The following PKIA variants were observed in gnomAD, a reference collection of about 807,000 sequenced individuals.
The protein encoded by PKIA is cAMP-dependent protein kinase inhibitor alpha.
A neutral mutation model predicts 7.6 loss-of-function variants in PKIA; 4 were observed. That is an observed-to-expected ratio of 0.52 (90% confidence interval 0.26 to 1.20). The LOEUF (loss-of-function observed/expected upper bound fraction) is 1.20. PKIA is among the 50% of genes most tolerant of loss of function. The pLI is 0.13. For synonymous variants in PKIA, 21 were observed against 30.7 expected (o/e 0.68, Z 1.04); for missense variants, 73 against 86.2 (o/e 0.85, Z 0.61).
chr8:78,601,865 C>A lies in PKIA; in HGVS notation c.*44C>A. The A allele has an allele frequency of 7.1e-7, 1 of 1,409,504 alleles. No homozygotes were observed. The highest frequency in any genetic ancestry group is 2.3e-5 in the East Asian group (1 of 43,826). 87.3% of individuals were successfully genotyped at this position (1,409,504 alleles called of 1,614,324 possible). On this transcript the variant is annotated 3_prime_UTR_variant, in exon 4 of 4. Transcript: ENST00000396418. ...GACCACACCTGAAAATGTCTCAAAT[C>A]TCCAGGAGTATCTGGAATGCATTTG...
intron 1 of PKIA, among the ~76,000 whole-genome samples, chr8:78,565,575 C>T (rs891793734): frequency 2.6e-5 from 4 of 151,862 alleles, no homozygotes; most frequent in African/African-American, 9.7e-5. Context: ...TTAGAAGCTC[C>T]TAAATTATTT....
chr8:78,532,028 G>GT, intron 1 of PKIA, among the ~76,000 whole-genome samples: 1 of 152,108 alleles, frequency 6.6e-6, no homozygotes, highest in Non-Finnish European at 1.5e-5. Context: ...TAAAATTCAA[G>GT]TAACTTTTTA....
At chr8:78,567,459 T>C (rs35269639) in intron 1 of PKIA, among the ~76,000 whole-genome samples, 21,059 of 152,150 alleles carry the variant, frequency 0.14, 1,814 homozygotes, top group African/African-American at 0.23. Flanking sequence ...ACTGCTAAAA[T>C]GTGTCTTATG....
chr8:78,584,662 A>AGAC (rs1270192971), intron 2 of PKIA, among the ~76,000 whole-genome samples: 1 of 152,132 alleles, frequency 6.6e-6, no homozygotes, highest in Non-Finnish European at 1.5e-5. Context: ...TAAATATGAA[A>AGAC]GACATTCTAT....
intron 2 of PKIA, among the ~76,000 whole-genome samples, chr8:78,577,176 T>C (rs1271814708): frequency 6.6e-6 from 1 of 152,034 alleles, no homozygotes; most frequent in Non-Finnish European, 1.5e-5. Context: ...TATATATGTA[T>C]ACATGTGCCA....
At position 78,604,456 on chromosome 8, in the gene PKIA, T is replaced by C. The variant is rs779442696; in HGVS notation, c.*2635T>C. On this transcript the variant is annotated 3_prime_UTR_variant, in exon 4 of 4. Coordinates refer to ENST00000396418, the MANE Select transcript of PKIA (RefSeq NM_006823.4). The stretch of plus-strand genomic sequence containing the variant: ...CAACTGCAGAGCTGTAAGGGAACTT[T>C]TAGAGATGAACTTCTTCAGCCTCCA... 1 of 151,982 alleles carries C rather than the reference T, an allele frequency of 6.6e-6. No individual in the cohort carries two copies. The highest frequency in any genetic ancestry group is 1.5e-5 in the Non-Finnish European group (1 of 67,936). The allele number at this position is 151,982 out of a possible 1,614,324, so 9.4% of individuals were successfully genotyped here. A position where few individuals can be genotyped will look rare whatever the true frequency, so the allele number is the denominator to read the frequency against.
chr8:78,583,812 C>G (rs117274667), intron 2 of PKIA, among the ~76,000 whole-genome samples: 1 of 151,942 alleles, frequency 6.6e-6, no homozygotes, highest in Non-Finnish European at 1.5e-5. Flanking sequence ...ATTATCGGAA[C>G]GGTAAGTTTG....
intron 1 of PKIA, among the ~76,000 whole-genome samples, chr8:78,562,003 G>A (rs530984854): frequency 6.6e-6 from 1 of 152,092 alleles, no homozygotes; most frequent in African/African-American, 2.4e-5. Flanking sequence ...CAACAGCAGA[G>A]TAATCACCCT....
rs372274335 is a variant in PKIA, at chr8:78,562,011, C to T, written c.-156-10800C>T. ...AATGCACCAACAGCAGAGTAATCAC[C>T]CTTAACCATCACTTCTCCCACTGAA... On this transcript the variant is annotated intron_variant, in intron 1 of 3. Transcript: ENST00000396418. 8.7e-4 allele frequency among the ~76,000 whole-genome samples: 132 copies of T among 152,162 alleles called. 2 individuals are homozygous for T. The highest frequency in any genetic ancestry group is 6.8e-3 in the Middle Eastern group (2 of 294).
At chr8:78,586,988 T>A (rs1288518626) in intron 2 of PKIA, among the ~76,000 whole-genome samples, 2 of 152,200 alleles carry the variant, frequency 1.3e-5, no homozygotes, top group Non-Finnish European at 2.9e-5. Flanking sequence ...TTATTATTCA[T>A]AAGGCACTAT....
chr8:78,570,416 A>G lies in PKIA; in HGVS notation c.-156-2395A>G, dbSNP rs149894113. Among the ~76,000 whole-genome samples the G allele has an allele frequency of 4.2e-3, 641 of 152,286 alleles. 2 individuals are homozygous for G. Among genetic ancestry groups the G allele is most frequent in the African/African-American group, 0.015 (618 of 41,576 alleles). ...CGAGTACTGAAAGCAAACAACTGCCATGCACGAACTTCATATCCAGTTTCT... is the reference window on the plus strand; with the variant it reads ...CGAGTACTGAAAGCAAACAACTGCCGTGCACGAACTTCATATCCAGTTTCT... On this transcript the variant is annotated intron_variant, in intron 1 of 3. Transcript: ENST00000396418.
intron 2 of PKIA, among the ~76,000 whole-genome samples, chr8:78,579,228 T>C (rs1254662596): frequency 6.6e-6 from 1 of 152,028 alleles, no homozygotes; most frequent in Non-Finnish European, 1.5e-5. Flanking sequence ...ATCTTCCTCC[T>C]TCCCCTCTTG....
At chr8:78,588,780 T>C (rs1231953352) in intron 2 of PKIA, among the ~76,000 whole-genome samples, 1 of 151,956 alleles carries the variant, frequency 6.6e-6, no homozygotes, top group African/African-American at 2.4e-5. Flanking sequence ...GGAAAATTAG[T>C]ATCTACCTCT....
intron 2 of PKIA, among the ~76,000 whole-genome samples, chr8:78,595,323 T>A (rs965019113): frequency 2.0e-5 from 3 of 152,100 alleles, no homozygotes; most frequent in African/African-American, 7.2e-5. Flanking sequence ...AAAGAATTGG[T>A]TCATTGAGTA....
chr8:78,518,342 A>G (rs1465028090), intron 1 of PKIA, among the ~76,000 whole-genome samples: 1 of 152,190 alleles, frequency 6.6e-6, no homozygotes, highest in East Asian at 1.9e-4. Flanking sequence ...AGATTCTAGA[A>G]TTTTTACTCA....
chr8:78,544,470 G>A (rs1379373662), intron 1 of PKIA, among the ~76,000 whole-genome samples: 1 of 152,094 alleles, frequency 6.6e-6, no homozygotes, highest in Admixed American at 6.6e-5. Flanking sequence ...TCATATTCCA[G>A]CACACTATAT....
intron 1 of PKIA, among the ~76,000 whole-genome samples, chr8:78,549,053 C>T (rs1031016628): frequency 1.3e-5 from 2 of 152,012 alleles, no homozygotes; most frequent in Non-Finnish European, 2.9e-5. Context: ...AAAATTAACA[C>T]ACTAACTCTG....
At chr8:78,556,980 A>G (rs1250402864) in intron 1 of PKIA, among the ~76,000 whole-genome samples, 1 of 152,074 alleles carries the variant, frequency 6.6e-6, no homozygotes, top group Non-Finnish European at 1.5e-5. Context: ...AAATCTTCCT[A>G]CTAATTGACT....
At chr8:78,549,976 A>G (rs530998222) in intron 1 of PKIA, among the ~76,000 whole-genome samples, 15 of 152,264 alleles carry the variant, frequency 9.9e-5, no homozygotes, top group African/African-American at 2.6e-4. Context: ...AGCAATTACA[A>G]TGACAAAATG....
Sources: allele counts gnomAD v4.1 joint callset (sites outside exome capture counted in the v4.1 genomes callset), GRCh38; gene constraint gnomAD v4.1.1; transcripts MANE v1.5; gene names NCBI Gene and HGNC (gene_info 2026-07-23, HGNC 2026-07-21).